MSRA: variants seen among roughly 807,000 people sequenced by gnomAD.
MSRA encodes the protein methionine sulfoxide reductase A.
Under a neutral mutation model 31.3 loss-of-function variants are expected in MSRA, and 54 were observed. That is an observed-to-expected ratio of 1.73 (90% confidence interval 1.39 to 2.17). The LOEUF is 2.17. MSRA is among the 30% of genes most tolerant of loss of function. The probability of loss-of-function intolerance (pLI) is 0.00; values close to 1 mark genes in which losing one functional copy is unlikely to be tolerated. For missense variants in MSRA, 507 were observed against 300.9 expected (o/e 1.69, Z -5.07); for synonymous variants, 169 against 116.5 (o/e 1.45, Z -2.90).
intron 5 of MSRA, among the ~76,000 whole-genome samples, chr8:10,382,459 G>A (rs1357644218): frequency 6.6e-6 from 1 of 152,176 alleles, no homozygotes; most frequent in Non-Finnish European, 1.5e-5. Context: ...CTGGTGTTGG[G>A]GCTCATCTTG....
chr8:10,278,878 C>A (rs1388025286), intron 3 of MSRA, among the ~76,000 whole-genome samples: 1 of 152,144 alleles, frequency 6.6e-6, no homozygotes, highest in African/African-American at 2.4e-5. Context: ...CTTAGTCTTT[C>A]AAAGATTTTT....
intron 1 of MSRA, among the ~76,000 whole-genome samples, chr8:10,147,552 C>G (rs1803251198): frequency 6.6e-6 from 1 of 152,172 alleles, no homozygotes; most frequent in Admixed American, 6.5e-5. Flanking sequence ...ACGGGTGACG[C>G]CAACCAACCG....
At chr8:10,364,983 G>C (rs1009054998) in intron 5 of MSRA, among the ~76,000 whole-genome samples, 1 of 151,884 alleles carries the variant, frequency 6.6e-6, no homozygotes, top group South Asian at 2.1e-4. Flanking sequence ...TGCACCTCTC[G>C]CTTATATAAC....
intron 5 of MSRA, among the ~76,000 whole-genome samples, chr8:10,322,853 A>G (rs1055941069): frequency 6.6e-6 from 1 of 152,162 alleles, no homozygotes. Context: ...GCACTTTGGG[A>G]GGCTGAAGTG....
At chr8:10,369,399 C>A (rs766314675) in intron 5 of MSRA, among the ~76,000 whole-genome samples, 5 of 152,028 alleles carry the variant, frequency 3.3e-5, no homozygotes, top group Non-Finnish European at 5.9e-5. Flanking sequence ...GACAAAGTAC[C>A]CAACGAAATC....
intron 5 of MSRA, among the ~76,000 whole-genome samples, chr8:10,324,717 G>C (rs1802262281): frequency 6.6e-6 from 1 of 152,180 alleles, no homozygotes; most frequent in African/African-American, 2.4e-5. Context: ...TGAGATGTGT[G>C]GTTCCAGGGA....
intron 4 of MSRA, among the ~76,000 whole-genome samples, chr8:10,303,913 C>T (rs909080436): frequency 6.6e-6 from 1 of 152,040 alleles, no homozygotes; most frequent in Admixed American, 6.5e-5. Context: ...GCCAGGTGCC[C>T]TTTTATTTTT....
chr8:10,253,467 A>C (rs1172628152), intron 3 of MSRA, among the ~76,000 whole-genome samples: 1 of 152,226 alleles, frequency 6.6e-6, no homozygotes, highest in African/African-American at 2.4e-5. Flanking sequence ...ATATTTCAGC[A>C]ATTTTGGTGG....
At chr8:10,371,695 C>T (rs1049367702) in intron 5 of MSRA, among the ~76,000 whole-genome samples, 3 of 152,106 alleles carry the variant, frequency 2.0e-5, no homozygotes, top group Admixed American at 2.0e-4. Context: ...TGCCTCAGTA[C>T]CTCTGTGCCT....
intron 1 of MSRA, among the ~76,000 whole-genome samples, chr8:10,113,586 A>G (rs1356697154): frequency 6.6e-6 from 1 of 151,688 alleles, no homozygotes; most frequent in Non-Finnish European, 1.5e-5. Context: ...ATTTGAATAA[A>G]GTAGGTAATA....
chr8:10,372,250 G>C (rs1473271270), intron 5 of MSRA, among the ~76,000 whole-genome samples: 2 of 152,196 alleles, frequency 1.3e-5, no homozygotes, highest in Non-Finnish European at 2.9e-5. Context: ...AGGAGCCAGA[G>C]GGGTCCAATT....
At chr8:10,208,678 TGAC>T (rs2129060463) in intron 2 of MSRA, among the ~76,000 whole-genome samples, 1 of 152,156 alleles carries the variant, frequency 6.6e-6, no homozygotes, top group South Asian at 2.1e-4. Flanking sequence ...CCACTGAAAA[TGAC>T]GACCTCTGTG....
chr8:10,256,215 A>T (rs1288677170), intron 3 of MSRA, among the ~76,000 whole-genome samples: 2 of 152,188 alleles, frequency 1.3e-5, no homozygotes, highest in Non-Finnish European at 2.9e-5. Flanking sequence ...ATTGAGTTGA[A>T]ATCACACAGC....
At chr8:10,347,123 G>T (rs1051217254) in intron 5 of MSRA, among the ~76,000 whole-genome samples, 2 of 152,068 alleles carry the variant, frequency 1.3e-5, no homozygotes, top group Non-Finnish European at 2.9e-5. Context: ...TTACTGGTTC[G>T]TTTTCCCTTT....
chr8:10,249,559 G>A (rs570295047), intron 3 of MSRA, among the ~76,000 whole-genome samples: 1 of 152,174 alleles, frequency 6.6e-6, no homozygotes, highest in East Asian at 1.9e-4. Context: ...AACCAATAGC[G>A]CACAGGCTGA....
At chr8:10,343,675 G>T (rs1563373769) in intron 5 of MSRA, among the ~76,000 whole-genome samples, 3 of 152,118 alleles carry the variant, frequency 2.0e-5, no homozygotes, top group Non-Finnish European at 4.4e-5. Flanking sequence ...GTGCTGGGGG[G>T]TCCCTGGTGA....
At chr8:10,099,127 G>T (rs950408555) in intron 1 of MSRA, among the ~76,000 whole-genome samples, 1 of 152,060 alleles carries the variant, frequency 6.6e-6, no homozygotes, top group South Asian at 2.1e-4. Context: ...GAGAGAGAGT[G>T]CATTTAACTC....
intron 5 of MSRA, among the ~76,000 whole-genome samples, chr8:10,358,158 C>T (rs1804619502): frequency 6.6e-6 from 1 of 152,172 alleles, no homozygotes. Context: ...CAAATTCCTG[C>T]CCCCGGGTGA....
intron 3 of MSRA, among the ~76,000 whole-genome samples, chr8:10,265,775 G>A (rs968841991): frequency 1.3e-5 from 2 of 152,066 alleles, no homozygotes; most frequent in African/African-American, 2.4e-5. Context: ...TCCTCACCCC[G>A]CAGCCCTGGT....
Sources: allele counts gnomAD v4.1 joint callset (sites outside exome capture counted in the v4.1 genomes callset), GRCh38; gene constraint gnomAD v4.1.1; transcripts MANE v1.5; gene names NCBI Gene and HGNC (gene_info 2026-07-23, HGNC 2026-07-21).